The following FSHR variants were observed in gnomAD, a reference collection of about 807,000 sequenced individuals.
FSHR encodes the protein follicle-stimulating hormone receptor.
A neutral mutation model predicts 52.1 loss-of-function variants in FSHR; 46 were observed. The observed-to-expected ratio is 0.88, with a 90% CI of 0.70 to 1.13. The LOEUF (loss-of-function observed/expected upper bound fraction) is 1.13. Among genes scored for constraint, FSHR ranks in the 50% most tolerant of loss-of-function variants. FSHR has a pLI of 0.00. For missense variants in FSHR, 964 were observed against 834.6 expected (o/e 1.16, Z -1.91); for synonymous variants, 399 against 309.6 (o/e 1.29, Z -3.03).
rs1422255288 is a variant in FSHR, at chr2:49,150,005, C to A, written c.152+4261G>T. Among the ~76,000 whole-genome samples, 4 of 152,146 alleles carry A rather than the reference C, an allele frequency of 2.6e-5. No homozygotes were observed. In the East Asian group the frequency reaches 7.7e-4, roughly 29 times the overall value. On this transcript the variant is annotated intron_variant, in intron 1 of 9. Transcript: ENST00000406846. ...CTGCTGAAGAAAAACATCATTACGT[C>A]CATACTGTTGCCTAGACTTCAAATT...
At chr2:49,048,462 C>T (rs1034849636) in intron 2 of FSHR, among the ~76,000 whole-genome samples, 7 of 152,034 alleles carry the variant, frequency 4.6e-5, no homozygotes, top group African/African-American at 7.2e-5. Flanking sequence ...TAGTAGTCAG[C>T]GTGTAGTCAG....
At chr2:48,973,623 A>G (rs886530480) in intron 8 of FSHR, among the ~76,000 whole-genome samples, 12 of 152,204 alleles carry the variant, frequency 7.9e-5, no homozygotes, top group African/African-American at 2.9e-4. Flanking sequence ...ACCACTGACT[A>G]TCTTTTGCTT....
intron 1 of FSHR, among the ~76,000 whole-genome samples, chr2:49,118,894 C>T (rs1317143972): frequency 6.6e-6 from 1 of 152,216 alleles, no homozygotes; most frequent in Non-Finnish European, 1.5e-5. Flanking sequence ...TGCATGGGAT[C>T]CTCTCTTGAG....
At chr2:49,137,183 C>T (rs1036389929) in intron 1 of FSHR, among the ~76,000 whole-genome samples, 2 of 151,918 alleles carry the variant, frequency 1.3e-5, no homozygotes, top group East Asian at 1.9e-4. Context: ...AATCAATATA[C>T]CAAAATCAAT....
chr2:49,086,101 C>G (rs1287798257), intron 1 of FSHR, among the ~76,000 whole-genome samples: 1 of 152,050 alleles, frequency 6.6e-6, no homozygotes, highest in African/African-American at 2.4e-5. Flanking sequence ...TACCCTAAAA[C>G]TTAAAGTATA....
At position 48,963,724 on chromosome 2, in the gene FSHR, C is replaced by G; in HGVS notation, c.1097G>C (p.Arg366Thr). 1.9e-6 allele frequency: 3 copies of G among 1,614,164 alleles called. No homozygotes were observed. Among genetic ancestry groups the G allele is most frequent in the Non-Finnish European group, 2.5e-6 (3 of 1,180,010 alleles). The change falls in exon 10 of 10, where the codon AGA (arginine) becomes ACA (threonine). Residue 366 changes from arginine to threonine, a missense_variant. Coordinates refer to ENST00000406846, the MANE Select transcript of FSHR (RefSeq NM_000145.4). ...CEDIMGYNIL[R>T]VLIWFISILA... ...GATGCTGATAAACCATATCAGGACT[C>G]TGAGGATGTTGTACCCCATGATATC...
chr2:49,104,079 AG>A (rs1207420957), intron 1 of FSHR, among the ~76,000 whole-genome samples: 2 of 152,074 alleles, frequency 1.3e-5, no homozygotes, highest in Non-Finnish European at 2.9e-5. Flanking sequence ...TAATCATGCC[AG>A]TAAGAGTATA....
intron 1 of FSHR, among the ~76,000 whole-genome samples, chr2:49,070,008 C>G (rs1669671026): frequency 6.6e-6 from 1 of 152,226 alleles, no homozygotes; most frequent in Non-Finnish European, 1.5e-5. Context: ...CTTGTTTGTG[C>G]TTGGCTGCTA....
intron 8 of FSHR, among the ~76,000 whole-genome samples, chr2:48,971,093 C>A (rs754740122): frequency 6.6e-6 from 1 of 152,136 alleles, no homozygotes; most frequent in Non-Finnish European, 1.5e-5. Context: ...TTTAATGACT[C>A]CCCATTGCTC....
At chr2:49,129,859 A>T (rs1440873715) in intron 1 of FSHR, among the ~76,000 whole-genome samples, 1 of 152,232 alleles carries the variant, frequency 6.6e-6, no homozygotes, top group Non-Finnish European at 1.5e-5. Flanking sequence ...CAGGAAACTT[A>T]GAGTTGTAAA....
In FSHR at chr2:48,968,704, C is replaced by T. The variant is rs559204093; in HGVS notation, c.848G>A (p.Arg283Gln). The T allele has an allele frequency of 4.5e-5, 73 of 1,614,038 alleles. No individual in the cohort carries two copies. Among genetic ancestry groups the T allele is most frequent in the South Asian group, 4.5e-4 (41 of 91,078 alleles). ...GCTTAAAGGATGGACTCACATTTGCCGTCTCCAGTTTGCAAAGGCACAGCA... is the reference window on the plus strand; with the variant it reads ...GCTTAAAGGATGGACTCACATTTGCTGTCTCCAGTTTGCAAAGGCACAGCA... ...SHCCAFANWR[R>Q]QISELHPICN... The change falls in exon 9 of 10, where the codon CGG (arginine) becomes CAG (glutamine). Residue 283 changes from arginine to glutamine, a missense_variant. Arg to Gln is a conservative substitution (Grantham distance 43). Transcript: ENST00000406846.
intron 2 of FSHR, among the ~76,000 whole-genome samples, chr2:49,065,446 A>T (rs1199294708): frequency 6.6e-6 from 1 of 152,220 alleles, no homozygotes; most frequent in East Asian, 1.9e-4. Flanking sequence ...GCACCTTGGC[A>T]TAAGGGATAG....
intron 1 of FSHR, among the ~76,000 whole-genome samples, chr2:49,146,159 A>G (rs1398104414): frequency 6.6e-6 from 1 of 152,060 alleles, no homozygotes; most frequent in Admixed American, 6.6e-5. Context: ...AAGAAGATGG[A>G]AAGCTCAAAG....
At chr2:49,022,632 G>C (rs1667774959) in intron 2 of FSHR, among the ~76,000 whole-genome samples, 1 of 152,138 alleles carries the variant, frequency 6.6e-6, no homozygotes, top group African/African-American at 2.4e-5. Flanking sequence ...CCACCTGTAT[G>C]AGGAACCAAC....
At chr2:49,065,672 A>T (rs4971622) in intron 2 of FSHR, among the ~76,000 whole-genome samples, 15,037 of 152,014 alleles carry the variant, frequency 0.099, 1,164 homozygotes, top group East Asian at 0.21. Context: ...CTCAGGAGAG[A>T]GGTGGAGGTT....
rs537077152 is a variant in FSHR at position 49,085,764 on chromosome 2, C to T, written c.153-17474G>A. On this transcript the variant is annotated intron_variant, in intron 1 of 9. Transcript: ENST00000406846. ...ATTAAGAAAATGTGGCACATATACA[C>T]CATGGAATACTATGCAGCCATAAAA... Among the ~76,000 whole-genome samples the T allele has an allele frequency of 7.2e-5, 11 of 152,270 alleles. No individual in the cohort carries two copies. In the South Asian group the frequency reaches 1.5e-3, roughly 20 times the overall value.
At chr2:48,983,240 C>G in intron 6 of FSHR, 74 bp from the exon 7 acceptor site, 1 of 1,398,684 alleles carries the variant, frequency 7.1e-7, no homozygotes, top group Non-Finnish European at 1.0e-6. Flanking sequence ...ATTGGAAGCA[C>G]TGAGCAAGGG....
chr2:49,025,426 A>G (rs1667884272), intron 2 of FSHR, among the ~76,000 whole-genome samples: 1 of 152,172 alleles, frequency 6.6e-6, no homozygotes, highest in Non-Finnish European at 1.5e-5. Flanking sequence ...CTTTTGGTAT[A>G]TTGCTTTTCA....
At chr2:49,057,120 G>C (rs540310561) in intron 2 of FSHR, among the ~76,000 whole-genome samples, 1 of 151,778 alleles carries the variant, frequency 6.6e-6, no homozygotes, top group African/African-American at 2.4e-5. Flanking sequence ...AAAAAAGGAA[G>C]AACAAACCAA....
Sources: allele counts gnomAD v4.1 joint callset (sites outside exome capture counted in the v4.1 genomes callset), GRCh38; gene constraint gnomAD v4.1.1; transcripts MANE v1.5; gene names NCBI Gene and HGNC (gene_info 2026-07-23, HGNC 2026-07-21).